TMTC1: variants seen among roughly 807,000 people sequenced by gnomAD.
The protein encoded by TMTC1 is transmembrane O-mannosyltransferase targeting cadherins 1.
A neutral mutation model predicts 104.8 loss-of-function variants in TMTC1; 73 were observed. The observed-to-expected ratio is 0.70, with a 90% CI of 0.58 to 0.85. TMTC1 has a LOEUF of 0.85. TMTC1 is among the 40% of genes least tolerant of loss of function. TMTC1 has a pLI of 0.00. For missense variants in TMTC1, 1,035 were observed against 1,096.1 expected, an observed-to-expected ratio of 0.94 and a Z score of 0.79; for synonymous variants, 434 against 428.7, an observed-to-expected ratio of 1.01 and a Z score of -0.15.
intron 7 of TMTC1, among the ~76,000 whole-genome samples, chr12:29,584,516 T>G (rs71453747): frequency 6.6e-6 from 1 of 152,240 alleles, no homozygotes; most frequent in South Asian, 2.1e-4. Flanking sequence ...TATGTATACA[T>G]GTGTCACGTT....
intron 7 of TMTC1, among the ~76,000 whole-genome samples, chr12:29,592,586 G>A (rs1479966952): frequency 6.6e-6 from 1 of 152,112 alleles, no homozygotes; most frequent in East Asian, 1.9e-4. Context: ...CAGCCTCATA[G>A]TCCACCTACC....
At chr12:29,659,392 T>C (rs1380184520) in intron 5 of TMTC1, among the ~76,000 whole-genome samples, 1 of 152,188 alleles carries the variant, frequency 6.6e-6, no homozygotes, top group African/African-American at 2.4e-5. Flanking sequence ...TCTTGCTCTA[T>C]TGGTTCCCAC....
At chr12:29,731,437 C>T (rs558023940) in intron 5 of TMTC1, among the ~76,000 whole-genome samples, 28 of 152,266 alleles carry the variant, frequency 1.8e-4, no homozygotes, top group Non-Finnish European at 3.4e-4. Context: ...ATTATATGCC[C>T]ACAATGCACG....
At chr12:29,650,851 T>C (rs1470302154) in intron 5 of TMTC1, among the ~76,000 whole-genome samples, 1 of 152,160 alleles carries the variant, frequency 6.6e-6, no homozygotes, top group African/African-American at 2.4e-5. Context: ...AGGACTCTTG[T>C]TGATATGTGA....
At chr12:29,516,026 A>G (rs1023260109) in intron 15 of TMTC1, among the ~76,000 whole-genome samples, 5 of 151,798 alleles carry the variant, frequency 3.3e-5, no homozygotes, top group African/African-American at 1.2e-4. Flanking sequence ...TGAGGATTAC[A>G]TAAAACAATA....
intron 5 of TMTC1, among the ~76,000 whole-genome samples, chr12:29,715,981 A>G (rs1325336476): frequency 7.3e-6 from 1 of 137,336 alleles, no homozygotes; most frequent in Non-Finnish European, 1.5e-5. Context: ...GACACAGCCA[A>G]ACTCAGTATT....
chr12:29,745,089 C>T (rs984047288), intron 5 of TMTC1, among the ~76,000 whole-genome samples: 22 of 152,092 alleles, frequency 1.4e-4, no homozygotes, highest in Admixed American at 4.6e-4. Context: ...CAGTGCCCAA[C>T]TTTAATTTTT....
chr12:29,537,505 A>C (rs1227612648), intron 10 of TMTC1, among the ~76,000 whole-genome samples: 1 of 152,316 alleles, frequency 6.6e-6, no homozygotes, highest in Non-Finnish European at 1.5e-5. Context: ...GCTGATTCTA[A>C]CTTCTTAGGA....
chr12:29,711,638 C>G (rs1030046937), intron 5 of TMTC1, among the ~76,000 whole-genome samples: 11 of 152,090 alleles, frequency 7.2e-5, no homozygotes, highest in African/African-American at 2.7e-4. Context: ...ATTTGGGGCC[C>G]AGAGGCAGGA....
chr12:29,668,020 TACTCTGTACAGC>T (rs1424414283), intron 5 of TMTC1, among the ~76,000 whole-genome samples: 1 of 152,212 alleles, frequency 6.6e-6, no homozygotes, highest in Non-Finnish European at 1.5e-5. Flanking sequence ...AAGCATTCAC[TACTCTGTACAGC>T]ACAGAAGTAA....
chr12:29,626,336 A>C (rs949380780), intron 6 of TMTC1, among the ~76,000 whole-genome samples: 2 of 152,186 alleles, frequency 1.3e-5, no homozygotes, highest in Non-Finnish European at 2.9e-5. Flanking sequence ...GGAGATAAAG[A>C]AAGGAGTAGA....
intron 5 of TMTC1, among the ~76,000 whole-genome samples, chr12:29,697,892 G>A (rs1052757939): frequency 9.9e-5 from 15 of 152,132 alleles, no homozygotes; most frequent in African/African-American, 3.4e-4. Context: ...AAAAAAAGAA[G>A]AAGAAAACCC....
chr12:29,755,567 G>GATA, intron 4 of TMTC1, 142 bp downstream of exon 4: 1 of 669,350 alleles, frequency 1.5e-6, no homozygotes, highest in African/African-American at 1.8e-5. Context: ...AATGAAATAA[G>GATA]CCTTGTTGAT....
chr12:29,754,750 G>A (rs1173976726), intron 4 of TMTC1, among the ~76,000 whole-genome samples: 2 of 152,024 alleles, frequency 1.3e-5, no homozygotes, highest in Non-Finnish European at 2.9e-5. Context: ...AGCCAACAGA[G>A]CACTACACTC....
At chr12:29,545,042 G>GTCC (rs1244390566) in intron 10 of TMTC1, among the ~76,000 whole-genome samples, 1 of 152,166 alleles carries the variant, frequency 6.6e-6, no homozygotes, top group Non-Finnish European at 1.5e-5. Context: ...TTAGCCGAGT[G>GTCC]TCTGGCACAT....
At chr12:29,520,837 A>G in intron 11 of TMTC1, 117 bp from the exon 12 acceptor site, 1 of 723,486 alleles carries the variant, frequency 1.4e-6, no homozygotes, top group Non-Finnish European at 2.2e-6. Context: ...CACCTAATAT[A>G]CAACAGGCTA....
chr12:29,524,236 A>G (rs776716479), intron 11 of TMTC1, among the ~76,000 whole-genome samples: 3 of 152,088 alleles, frequency 2.0e-5, no homozygotes, highest in Admixed American at 6.6e-5. Flanking sequence ...AGTTTGGAGT[A>G]TGCTCCTTAG....
chr12:29,576,007 C>T (rs1945813292), intron 8 of TMTC1, among the ~76,000 whole-genome samples: 2 of 152,154 alleles, frequency 1.3e-5, no homozygotes, highest in African/African-American at 4.8e-5. Flanking sequence ...TGATGCTGAG[C>T]ACCTTTTCAT....
chr12:29,536,434 G>C lies in TMTC1; in HGVS notation c.1677-117C>G, dbSNP rs73263829. Reference sequence around the variant, plus strand: ...TAGCAAAGGTTAGCTGATTCACTCTGGATTTATTGCAAATGAATTAAACTA... The same window carrying C: ...TAGCAAAGGTTAGCTGATTCACTCTCGATTTATTGCAAATGAATTAAACTA... On this transcript the variant is annotated intron_variant, in intron 10 of 17. Transcript: ENST00000539277. 5.8e-3 allele frequency: 3,943 copies of C among 685,066 alleles called. 54 individuals are homozygous for C. Among genetic ancestry groups the C allele is most frequent in the African/African-American group, 0.044 (2,363 of 54,174 alleles). 42.4% of individuals were successfully genotyped at this position (685,066 alleles called of 1,614,324 possible).
Sources: gnomAD v4.1 joint callset for allele counts (sites outside exome capture counted in the v4.1 genomes callset) on GRCh38, gnomAD v4.1.1 for gene constraint, MANE v1.5 for transcripts, NCBI Gene and HGNC (gene_info 2026-07-23, HGNC 2026-07-21) for gene names.